CNBD1: variants seen among roughly 807,000 people sequenced by gnomAD.
The protein encoded by CNBD1 is cyclic nucleotide-binding domain-containing protein 1.
CNBD1 carries 71 observed loss-of-function variants against 54.4 expected under a neutral mutation model. The observed-to-expected ratio is 1.30, with a 90% confidence interval of 1.08 to 1.59. The LOEUF (loss-of-function observed/expected upper bound fraction) is 1.59, where lower values mean the gene tolerates loss of function less well. CNBD1 is among the 40% of genes most tolerant of loss of function. The pLI is 0.00. For missense variants in CNBD1, 659 were observed against 518.0 expected, an observed-to-expected ratio of 1.27 and a Z score of -2.64; for synonymous variants, 182 against 170.7, an observed-to-expected ratio of 1.07 and a Z score of -0.51.
In CNBD1 at chr8:86,870,189, C is replaced by CTTTTTTTT. The variant is rs71275890; in HGVS notation, c.88+3614_88+3621dup. Among the ~76,000 whole-genome samples, 18 of 100,604 alleles carry CTTTTTTTT rather than the reference C, an allele frequency of 1.8e-4. 2 individuals carry two copies. The highest frequency in any genetic ancestry group is 2.2e-4 in the Non-Finnish European group (12 of 53,422). The allele number at this position is 100,604 out of a possible 152,430, so 66.0% of individuals were successfully genotyped here. On this transcript the variant is annotated intron_variant, in intron 1 of 10. Transcript: ENST00000518476. ...AGAAATTTAGAAACAAGATAGTACT[C>CTTTTTTTT]TTTTTTTTTTTTTTTCTGAGACGGA...
intron 4 of CNBD1, among the ~76,000 whole-genome samples, chr8:87,022,202 C>T (rs1809504001): frequency 6.6e-6 from 1 of 152,152 alleles, no homozygotes; most frequent in Non-Finnish European, 1.5e-5. Flanking sequence ...ACGGGCAACA[C>T]AGCGGAGAAG....
At chr8:86,912,780 A>C (rs1245617946) in intron 3 of CNBD1, among the ~76,000 whole-genome samples, 2 of 152,154 alleles carry the variant, frequency 1.3e-5, no homozygotes, top group African/African-American at 4.8e-5. Context: ...AGGCATTGTT[A>C]TCATAGGAAA....
intron 10 of CNBD1, among the ~76,000 whole-genome samples, chr8:87,360,839 A>C (rs1810510947): frequency 6.6e-6 from 1 of 151,944 alleles, no homozygotes; most frequent in Admixed American, 6.6e-5. Flanking sequence ...GTTTTTAAAA[A>C]GGAAGAATGC....
intron 4 of CNBD1, among the ~76,000 whole-genome samples, chr8:87,143,010 T>G (rs757746249): frequency 9.9e-5 from 15 of 152,074 alleles, no homozygotes; most frequent in Admixed American, 7.2e-4. Context: ...GATTCTAAAT[T>G]AGGGGCTCTG....
intron 4 of CNBD1, among the ~76,000 whole-genome samples, chr8:87,017,385 T>C (rs1267296685): frequency 2.6e-5 from 4 of 152,184 alleles, no homozygotes; most frequent in Non-Finnish European, 5.9e-5. Context: ...GGAGCATTTA[T>C]TGGGGCTAAT....
At position 87,237,023 on chromosome 8, in the gene CNBD1, A is replaced by G. The variant is rs367726460; in HGVS notation, c.682A>G (p.Ile228Val). 4.0e-5 allele frequency: 64 copies of G among 1,612,382 alleles called. No homozygotes were observed. The highest frequency in any genetic ancestry group is 5.3e-5 in the Non-Finnish European group (62 of 1,178,786). Reference sequence around the variant, plus strand: ...AGGAAGTGATTCACCAGACTCGTTCATATCTCAGAGTTTCCACAGCTTCAT... The same window carrying G: ...AGGAAGTGATTCACCAGACTCGTTCGTATCTCAGAGTTTCCACAGCTTCAT... The part of the protein sequence containing the change: ...IEGSDSPDSF[I>V]SQSFHSFIWS... The change falls in exon 6 of 11, where the codon ATA (isoleucine) becomes GTA (valine). Residue 228 changes from isoleucine to valine, a missense_variant. Transcript: ENST00000518476.
chr8:87,366,873 G>GT (rs1292332477), intron 10 of CNBD1, among the ~76,000 whole-genome samples: 1 of 152,028 alleles, frequency 6.6e-6, no homozygotes, highest in Non-Finnish European at 1.5e-5. Context: ...GTTATAAACT[G>GT]TTTTTTCACT....
At chr8:87,235,778 C>T (rs1383674005) in intron 5 of CNBD1, among the ~76,000 whole-genome samples, 1 of 152,080 alleles carries the variant, frequency 6.6e-6, no homozygotes, top group Non-Finnish European at 1.5e-5. Context: ...GATAGACTTG[C>T]TAGATGCAAA....
chr8:87,329,304 T>G (rs748929572), intron 8 of CNBD1, among the ~76,000 whole-genome samples: 1 of 152,168 alleles, frequency 6.6e-6, no homozygotes, highest in Non-Finnish European at 1.5e-5. Flanking sequence ...TCTTGATTAC[T>G]GCAGCTCTAT....
intron 6 of CNBD1, among the ~76,000 whole-genome samples, chr8:87,247,849 C>T (rs1807838063): frequency 6.6e-6 from 1 of 152,146 alleles, no homozygotes. Context: ...TGACATTTTT[C>T]AGTTGTTAAG....
chr8:87,351,503 A>G (rs1428133942), intron 8 of CNBD1, among the ~76,000 whole-genome samples, 182 bp from the exon 9 acceptor site: 1 of 152,194 alleles, frequency 6.6e-6, no homozygotes, highest in Non-Finnish European at 1.5e-5. Context: ...TATGTTAGAG[A>G]TATAAATACT....
intron 8 of CNBD1, among the ~76,000 whole-genome samples, chr8:87,295,441 AGAT>A (rs1371834056): frequency 6.6e-6 from 1 of 151,648 alleles, no homozygotes; most frequent in Non-Finnish European, 1.5e-5. Flanking sequence ...TCCAGCTGCT[AGAT>A]AATAATTAAA....
intron 10 of CNBD1, among the ~76,000 whole-genome samples, chr8:87,365,344 T>G (rs78994195): frequency 0.019 from 2,852 of 152,058 alleles, 92 homozygotes; most frequent in African/African-American, 0.062. Context: ...TTTTAATGGT[T>G]TTTGTTTTTT....
chr8:87,272,957 T>C (rs1476388829), intron 6 of CNBD1, among the ~76,000 whole-genome samples: 1 of 151,982 alleles, frequency 6.6e-6, no homozygotes, highest in African/African-American at 2.4e-5. Flanking sequence ...AATATGCTTA[T>C]AGTTATATTT....
At chr8:87,389,355 G>A (rs13277952) in intron 2 of CNBD1, among the ~76,000 whole-genome samples, 1 of 151,898 alleles carries the variant, frequency 6.6e-6, no homozygotes, top group Non-Finnish European at 1.5e-5. Flanking sequence ...GAAAACCCCA[G>A]CGTCTCAGCC....
Position 86,883,858 on chromosome 8 carries a change from A to T in CNBD1, c.89-3684A>T, listed in dbSNP as rs552959111. Among the ~76,000 whole-genome samples, 293 of 152,318 alleles carry T rather than the reference A, an allele frequency of 1.9e-3. 2 individuals carry two copies. The highest frequency in any genetic ancestry group is 6.8e-3 in the African/African-American group (283 of 41,590). Reference sequence around the variant, plus strand: ...TTATTTTGATAATTTGTTGTAAAACATTGCCCCTTTCGGCTGGGCGCGGTG... The same window carrying T: ...TTATTTTGATAATTTGTTGTAAAACTTTGCCCCTTTCGGCTGGGCGCGGTG... On this transcript the variant is annotated intron_variant, in intron 1 of 10. Transcript: ENST00000518476.
intron 4 of CNBD1, among the ~76,000 whole-genome samples, chr8:87,033,881 G>A (rs1030347847): frequency 2.0e-5 from 3 of 151,864 alleles, no homozygotes; most frequent in African/African-American, 7.3e-5. Context: ...ATATTTATTA[G>A]TTTTTTTCTT....
intron 8 of CNBD1, among the ~76,000 whole-genome samples, chr8:87,316,383 A>G (rs752289589): frequency 1.1e-4 from 16 of 152,018 alleles, no homozygotes; most frequent in Non-Finnish European, 2.4e-4. Context: ...CACACTGGCA[A>G]ATTTTTGAAA....
intron 8 of CNBD1, among the ~76,000 whole-genome samples, chr8:87,305,426 C>G (rs553104642): frequency 6.6e-6 from 1 of 152,068 alleles, no homozygotes; most frequent in African/African-American, 2.4e-5. Context: ...GATGTGGAAC[C>G]AAAAAAGTGC....
Sources: allele counts gnomAD v4.1 joint callset (sites outside exome capture counted in the v4.1 genomes callset), GRCh38; gene constraint gnomAD v4.1.1; transcripts MANE v1.5; gene names NCBI Gene and HGNC (gene_info 2026-07-23, HGNC 2026-07-21).